Variants in CCNY observed in about 807,000 individuals in gnomAD.
The protein encoded by CCNY is cyclin Y.
Under a neutral mutation model 42.8 loss-of-function variants are expected in CCNY, and 19 were observed. The observed-to-expected ratio is 0.44, with a 90% CI of 0.31 to 0.65. The LOEUF is 0.65. CCNY is among the 30% of genes least tolerant of loss of function. CCNY has a pLI of 0.07. For synonymous variants in CCNY, 165 were observed against 162.7 expected (o/e 1.01, Z -0.11); for missense variants, 370 against 437.3 (o/e 0.85, Z 1.37).
rs1276867947 is a variant in CCNY at position 35,496,401 on chromosome 10, T to TC, written c.230-5098dup. Among the ~76,000 whole-genome samples the TC allele has an allele frequency of 4.6e-5, 7 of 152,364 alleles. No individual in the cohort carries two copies. The East Asian group carries it at 1.4e-3, about 29-fold the overall frequency. On this transcript the variant is annotated intron_variant, in intron 2 of 9. Coordinates refer to ENST00000374704, the MANE Select transcript of CCNY (RefSeq NM_145012.6). Reference sequence around the variant, plus strand: ...TCTCTTCTTCTTCTGGGCCTTCCCTTCCTTGGCCTGCTTGGGCTCTTCCCT... The same window carrying TC: ...TCTCTTCTTCTTCTGGGCCTTCCCTTCCCTTGGCCTGCTTGGGCTCTTCCCT...
At chr10:35,432,745 T>A (rs1209221528) in intron 1 of CCNY, among the ~76,000 whole-genome samples, 1 of 152,228 alleles carries the variant, frequency 6.6e-6, no homozygotes, top group Admixed American at 6.5e-5. Context: ...TGGTTAACTT[T>A]GGAAATTAAA....
chr10:35,570,609 T>A lies in CCNY; in HGVS notation c.*1439T>A, dbSNP rs1841667252. 6.6e-6 allele frequency: 1 copy of A among 152,348 alleles called. No homozygotes were observed. The allele number at this position is 152,348 out of a possible 1,614,324, so 9.4% of individuals were successfully genotyped here. ...ATTTTCTTAGGTCACAGTGACAGGT[T>A]TCTGAGTTGTTTCCCTTTTCAAGTC... On this transcript the variant is annotated 3_prime_UTR_variant, in exon 10 of 10. Coordinates refer to ENST00000374704, the MANE Select transcript of CCNY (RefSeq NM_145012.6).
intron 1 of CCNY, among the ~76,000 whole-genome samples, chr10:35,373,902 G>T (rs1836994011): frequency 2.0e-5 from 3 of 150,246 alleles, no homozygotes; most frequent in Admixed American, 2.0e-4. Context: ...CCCCTGAGTT[G>T]TTCAAAGATC....
chr10:35,354,715 A>T lies in CCNY; in HGVS notation c.154+17508A>T, dbSNP rs78076868. On this transcript the variant is annotated intron_variant, in intron 1 of 9. Transcript: ENST00000374704. ...ACTGACTTCCGCAAAACAGACGGGG[A>T]GTGGGAGAGAGAATAACTATGGGAT... Among the ~76,000 whole-genome samples, 5 of 152,198 alleles carry T rather than the reference A, an allele frequency of 3.3e-5. No homozygotes were observed. In the East Asian group the frequency reaches 9.7e-4, roughly 29 times the overall value.
At chr10:35,312,359 C>A (rs1835696050) in intron 3 of CCNY, among the ~76,000 whole-genome samples, 2 of 106,646 alleles carry the variant, frequency 1.9e-5, no homozygotes, top group South Asian at 3.1e-4. Context: ...CCAGCCTGGG[C>A]AACAGAGTGA....
chr10:35,269,733 G>A (rs1430356559), intron 3 of CCNY, among the ~76,000 whole-genome samples: 2 of 151,392 alleles, frequency 1.3e-5, no homozygotes, highest in South Asian at 2.1e-4. Flanking sequence ...GGGTTCAAGC[G>A]ATTCTCCTGC....
At chr10:35,375,961 C>G (rs566226434) in intron 1 of CCNY, among the ~76,000 whole-genome samples, 1 of 152,126 alleles carries the variant, frequency 6.6e-6, no homozygotes, top group East Asian at 1.9e-4. Flanking sequence ...TGGAAGACAC[C>G]GAAAGGAGGA....
chr10:35,308,291 G>A (rs1160914087), intron 3 of CCNY, among the ~76,000 whole-genome samples: 4 of 151,726 alleles, frequency 2.6e-5, no homozygotes, highest in African/African-American at 7.3e-5. Context: ...GCTCATGCAT[G>A]CCTGTGATCC....
chr10:35,455,993 T>A (rs970921278), intron 1 of CCNY, among the ~76,000 whole-genome samples: 2 of 152,050 alleles, frequency 1.3e-5, no homozygotes, highest in African/African-American at 4.8e-5. Context: ...TTTATTTTTC[T>A]TTTATAGTGA....
chr10:35,530,129 C>T lies in CCNY; in HGVS notation c.465C>T (p.Ser155=), dbSNP rs1367176889. 35 of 1,614,148 alleles carry T rather than the reference C, an allele frequency of 2.2e-5. No individual in the cohort carries two copies. The highest frequency in any genetic ancestry group is 2.0e-4 in the East Asian group (9 of 44,886). Residue 155 remains serine, a synonymous_variant, in exon 7 of 10, where the codon TCC becomes TCT. Transcript: ENST00000374704. This position sits in a 1 kb window ranked among gnomAD's most constrained non-coding sequence, Gnocchi z 4.3. ...GAAAATATTTTCTTCCCCAGAAATC[C>T]GAAGTGCCACCAGATTATGACAAAC... ...FDENLHPLSK[S]EVPPDYDKHN... is the part of the protein sequence containing the mutation.
intron 1 of CCNY, among the ~76,000 whole-genome samples, chr10:35,383,718 TC>T (rs1837242605): frequency 6.6e-6 from 1 of 152,190 alleles, no homozygotes; most frequent in African/African-American, 2.4e-5. Flanking sequence ...ACCTGACCCC[TC>T]CCTTAAAGTT....
intron 1 of CCNY, among the ~76,000 whole-genome samples, chr10:35,469,826 G>A (rs537907466): frequency 6.7e-6 from 1 of 148,216 alleles, no homozygotes; most frequent in East Asian, 2.1e-4. Flanking sequence ...ATAGGGAGAT[G>A]GAGAGACAGG....
intron 3 of CCNY, among the ~76,000 whole-genome samples, chr10:35,269,292 T>G (rs2095728771): frequency 6.6e-6 from 1 of 151,686 alleles, no homozygotes; most frequent in Admixed American, 6.6e-5. Flanking sequence ...CTTCCTTCCT[T>G]CCTTCCTTCC....
chr10:35,492,686 C>T (rs909489900), intron 2 of CCNY, among the ~76,000 whole-genome samples: 5 of 152,230 alleles, frequency 3.3e-5, no homozygotes, highest in African/African-American at 1.2e-4. Flanking sequence ...AAGAAACTCA[C>T]AAGCATAGGG....
At chr10:35,534,999 A>ATATGTGTG (rs375976167) in intron 7 of CCNY, among the ~76,000 whole-genome samples, 22 of 133,574 alleles carry the variant, frequency 1.6e-4, no homozygotes, top group Admixed American at 3.7e-4. Flanking sequence ...ATCTATATAT[A>ATATGTGTG]TGTGTGTGTG....
chr10:35,552,277 A>G (rs930448025), intron 7 of CCNY, among the ~76,000 whole-genome samples: 11 of 152,320 alleles, frequency 7.2e-5, no homozygotes, highest in Admixed American at 5.9e-4. Flanking sequence ...GAAAAGGACG[A>G]ATATTTTATT....
intron 1 of CCNY, among the ~76,000 whole-genome samples, chr10:35,475,502 G>T (rs897231369): frequency 6.6e-5 from 10 of 151,840 alleles, no homozygotes; most frequent in Non-Finnish European, 1.3e-4. Context: ...TTAAAGAAAA[G>T]AATTTTCAAC....
chr10:35,371,339 A>G (rs1034486126), intron 1 of CCNY, among the ~76,000 whole-genome samples: 26 of 152,272 alleles, frequency 1.7e-4, no homozygotes, highest in Non-Finnish European at 1.5e-4. Context: ...TTGTGGCCAC[A>G]CTAGTTCCTG....
chr10:35,275,230 A>AT (rs2135047522), intron 3 of CCNY, among the ~76,000 whole-genome samples: 1 of 151,274 alleles, frequency 6.6e-6, no homozygotes, highest in African/African-American at 2.4e-5. Context: ...TGCTCGGCTA[A>AT]TTTTTTTGTG....
Sources: gnomAD v4.1 joint callset for allele counts (sites outside exome capture counted in the v4.1 genomes callset) on GRCh38, gnomAD v4.1.1 for gene constraint, Gnocchi (gnomAD v3.1) non-coding constraint, MANE v1.5 for transcripts, NCBI Gene and HGNC (gene_info 2026-07-23, HGNC 2026-07-21) for gene names.